Variants in MMAB observed in about 807,000 individuals in gnomAD.
MMAB encodes the protein metabolism of cobalamin associated B.
MMAB carries 17 observed loss-of-function variants against 30.6 expected under a neutral mutation model. The ratio of observed to expected loss-of-function variants is 0.56; its 90% confidence interval spans 0.38 to 0.83. The LOEUF (loss-of-function observed/expected upper bound fraction) is 0.83, where lower values mean the gene tolerates loss of function less well. Ranked by LOEUF, MMAB falls within the 40% of genes least tolerant of loss-of-function variation. The pLI is 0.00. For missense variants in MMAB, 311 were observed against 331.6 expected (o/e 0.94, Z 0.48); for synonymous variants, 134 against 138.6 (o/e 0.97, Z 0.23).
At chr12:109,565,016 C>G (rs546730334) in intron 4 of MMAB, 103 bp downstream of exon 4, 6 of 911,374 alleles carry the variant, frequency 6.6e-6, no homozygotes, top group African/African-American at 4.9e-5. Flanking sequence ...GGGAGAGTAA[C>G]TAGCCCCAGG....
At position 109,559,508 on chromosome 12, in the gene MMAB, G is replaced by A. The variant is rs1290111467; in HGVS notation, c.585-353C>T. ...GGTCTGCCTCTAGCCTTCAAAGGAA[G>A]TGGGGGCCTGACCCTTAATTCCCAA... On this transcript the variant is annotated intron_variant, in intron 7 of 8. Coordinates refer to ENST00000545712, the MANE Select transcript of MMAB (RefSeq NM_052845.4). Among the ~76,000 whole-genome samples, 4 of 152,228 alleles carry A rather than the reference G, an allele frequency of 2.6e-5. No individual in the cohort carries two copies. The East Asian group carries it at 7.7e-4, about 29-fold the overall frequency.
chr12:109,569,863 C>G lies in MMAB; in HGVS notation c.197-1000G>C, dbSNP rs1287993121. 6.3e-6 allele frequency: 1 copy of G among 158,784 alleles called. No individual in the cohort carries two copies. Among genetic ancestry groups the G allele is most frequent in the African/African-American group, 2.4e-5 (1 of 41,484 alleles). 9.8% of individuals were successfully genotyped at this position (158,784 alleles called of 1,614,324 possible). On this transcript the variant is annotated intron_variant, in intron 2 of 8. Transcript: ENST00000545712. This position sits in a 1 kb window ranked among gnomAD's most constrained non-coding sequence, Gnocchi z 4.1. ...CTGTGTCCAAACTCCAAAAGATGAC[C>G]AAACCTCCCCCTTCCCTGGCTAATG... is the stretch of plus-strand genomic sequence containing the variant.
chr12:109,557,352 C>T lies in MMAB; in HGVS notation c.645-216G>A, dbSNP rs150476606. Reference sequence around the variant, plus strand: ...CAAGGACTCTACTCCAGTGTCAAGGCTGGGGCCATTCCTGCAGGATGAGGC... The same window carrying T: ...CAAGGACTCTACTCCAGTGTCAAGGTTGGGGCCATTCCTGCAGGATGAGGC... On this transcript the variant is annotated intron_variant, in intron 8 of 8. Transcript: ENST00000545712. 1.6e-4 allele frequency among the ~76,000 whole-genome samples: 24 copies of T among 152,380 alleles called. No homozygotes were observed. In the East Asian group the frequency reaches 4.2e-3, roughly 27 times the overall value.
rs1418302279 is a variant in MMAB, at chr12:109,554,850, C to T, written c.*2178G>A. ...CAAAGCAAGCTTTCTCCATTTTTCCCAGGTTGGTAGCACAGGAGAGAAACA... is the reference window on the plus strand; with the variant it reads ...CAAAGCAAGCTTTCTCCATTTTTCCTAGGTTGGTAGCACAGGAGAGAAACA... On this transcript the variant is annotated 3_prime_UTR_variant, in exon 9 of 9. Coordinates refer to ENST00000545712, the MANE Select transcript of MMAB (RefSeq NM_052845.4). The T allele has an allele frequency of 2.2e-6, 1 of 453,770 alleles. No homozygotes were observed. Among genetic ancestry groups the T allele is most frequent in the Non-Finnish European group, 4.4e-6 (1 of 226,640 alleles). The allele number at this position is 453,770 out of a possible 1,614,324, so 28.1% of individuals were successfully genotyped here. A position where few individuals can be genotyped will look rare whatever the true frequency, so the allele number is the denominator to read the frequency against.
In MMAB at chr12:109,556,519, G is replaced by A. The variant is rs886048923; in HGVS notation, c.*509C>T. The A allele has an allele frequency of 4.8e-5, 22 of 453,808 alleles. No homozygotes were observed. The highest frequency in any genetic ancestry group is 1.2e-4 in the Admixed American group (5 of 42,538). The allele number at this position is 453,808 out of a possible 1,614,324, so 28.1% of individuals were successfully genotyped here. On this transcript the variant is annotated 3_prime_UTR_variant, in exon 9 of 9. Coordinates refer to ENST00000545712, the MANE Select transcript of MMAB (RefSeq NM_052845.4). ...GTGACTAAACTTCCAAATCTTGTCC[G>A]CCTTCCCCTTTACAAATGTGACATT...
chr12:109,564,026 C>T (rs914199266), intron 4 of MMAB, among the ~76,000 whole-genome samples: 6 of 152,246 alleles, frequency 3.9e-5, no homozygotes, highest in African/African-American at 1.2e-4. Context: ...ATGAGTCCCA[C>T]GGGCTGAGGG....
chr12:109,562,408 A>AC (rs1173469742), intron 4 of MMAB, among the ~76,000 whole-genome samples: 28 of 152,356 alleles, frequency 1.8e-4, no homozygotes, highest in African/African-American at 5.8e-4. Flanking sequence ...TTTGAAAGCA[A>AC]ACTCTGAACT....
chr12:109,573,314 G>C (rs775525617), intron 1 of MMAB, 33 bp downstream of exon 1: 2 of 1,612,130 alleles, frequency 1.2e-6, no homozygotes, highest in South Asian at 2.2e-5. Context: ...TTCACGGCAG[G>C]TGTTCGAGTT....
chr12:109,555,522 G>A lies in MMAB; in HGVS notation c.*1506C>T, dbSNP rs1405385816. On this transcript the variant is annotated 3_prime_UTR_variant, in exon 9 of 9. Coordinates refer to ENST00000545712, the MANE Select transcript of MMAB (RefSeq NM_052845.4). ...TTGACCAGGCTGGTCTCAAACTCCT[G>A]ACCTCAGGTGATCTGCCTGCCTCGG... 4.6e-6 allele frequency: 2 copies of A among 430,736 alleles called. No homozygotes were observed. Among genetic ancestry groups the A allele is most frequent in the Non-Finnish European group, 9.1e-6 (2 of 219,690 alleles). The allele number at this position is 430,736 out of a possible 1,614,324, so 26.7% of individuals were successfully genotyped here.
chr12:109,554,043 G>A lies in MMAB; in HGVS notation c.*2985C>T, dbSNP rs1566127295. 1 of 454,124 alleles carries A rather than the reference G, an allele frequency of 2.2e-6. No homozygotes were observed. The allele number at this position is 454,124 out of a possible 1,614,324, so 28.1% of individuals were successfully genotyped here. On this transcript the variant is annotated 3_prime_UTR_variant, in exon 9 of 9. Coordinates refer to ENST00000545712, the MANE Select transcript of MMAB (RefSeq NM_052845.4). Reference sequence around the variant, plus strand: ...AGACAGCAGGATCTATCAGAGCCTGGCATTGTTCGCCACAGCCCAGGTAGT... The same window carrying A: ...AGACAGCAGGATCTATCAGAGCCTGACATTGTTCGCCACAGCCCAGGTAGT...
Position 109,561,084 on chromosome 12 carries a change from C to T in MMAB, c.540G>A (p.Ser180=), listed in dbSNP as rs754311573. The T allele has an allele frequency of 1.4e-5, 23 of 1,610,854 alleles. No individual in the cohort carries two copies. The highest frequency in any genetic ancestry group is 1.6e-4 in the Middle Eastern group (1 of 6,084). ...FILPSGGKIS[S]ALHFCRAVCR... is the part of the protein sequence containing the mutation. ...ACACGGCCCGGCAGAAATGCAGCGC[C>T]GAGCTGATCTTGCCTCCCGACTGAA... is the stretch of plus-strand genomic sequence containing the variant. Residue 180 remains serine (S), a synonymous_variant, in exon 7 of 9, where the codon TCG becomes TCA. Coordinates refer to ENST00000545712, the MANE Select transcript of MMAB (RefSeq NM_052845.4). The surrounding 1 kb of genome is among the most constrained non-coding windows in gnomAD (Gnocchi z 5.3).
chr12:109,571,598 T>C (rs1262704733), intron 2 of MMAB, 51 bp downstream of exon 2: 1 of 1,517,526 alleles, frequency 6.6e-7, no homozygotes, highest in South Asian at 1.1e-5. Context: ...AACTTTAAAA[T>C]GGTGTATGCC....
In MMAB at chr12:109,569,136, G is replaced by A. The variant is rs577421525; in HGVS notation, c.197-273C>T. On this transcript the variant is annotated intron_variant, in intron 2 of 8. Coordinates refer to ENST00000545712, the MANE Select transcript of MMAB (RefSeq NM_052845.4). The surrounding 1 kb of genome is among the most constrained non-coding windows in gnomAD (Gnocchi z 4.1). Reference sequence around the variant, plus strand: ...AATTTTTGTATTTTTAGTAGAGACGGGTTTTCGCCCATGTTGGCCGAGCTA... The same window carrying A: ...AATTTTTGTATTTTTAGTAGAGACGAGTTTTCGCCCATGTTGGCCGAGCTA... 6.6e-6 allele frequency among the ~76,000 whole-genome samples: 1 copy of A among 152,160 alleles called. No homozygotes were observed. Among genetic ancestry groups the A allele is most frequent in the East Asian group, 1.9e-4 (1 of 5,164 alleles).
At chr12:109,567,010 C>T (rs371815863) in intron 3 of MMAB, 1 of 456,044 alleles carries the variant, frequency 2.2e-6, no homozygotes. Context: ...GAAAATCTCA[C>T]CTAGTCAGGC....
chr12:109,563,906 G>A (rs1884312545), intron 4 of MMAB, among the ~76,000 whole-genome samples: 1 of 152,226 alleles, frequency 6.6e-6, no homozygotes, highest in Non-Finnish European at 1.5e-5. Context: ...GGTGGAAAGT[G>A]CGGCACCCTG....
chr12:109,571,824 T>C (rs1566137991), intron 1 of MMAB, 114 bp from the exon 2 acceptor site: 5 of 817,300 alleles, frequency 6.1e-6, no homozygotes, highest in Non-Finnish European at 8.5e-6. Flanking sequence ...CACTTACCCC[T>C]TACTGCTTAG....
Position 109,565,110 on chromosome 12 carries a change from G to A in MMAB, c.348+9C>T, listed in dbSNP as rs747459155. The A allele has an allele frequency of 6.2e-6, 10 of 1,611,274 alleles. No homozygotes were observed. The highest frequency in any genetic ancestry group is 7.6e-6 in the Non-Finnish European group (9 of 1,177,548). ...AGATTCCCAGCTTGGGTGAGATGGT[G>A]TTACTCACTTTCTGAAGCTCTTCGG... On this transcript the variant is annotated intron_variant, in intron 4 of 8. Coordinates refer to ENST00000545712, the MANE Select transcript of MMAB (RefSeq NM_052845.4).
At chr12:109,564,754 C>A (rs931092815) in intron 4 of MMAB, 2 of 379,990 alleles carry the variant, frequency 5.3e-6, no homozygotes, top group African/African-American at 2.1e-5. Context: ...TCACAGCTCA[C>A]TGCAGCCTTG....
rs1474012019 is a variant in MMAB at position 109,556,110 on chromosome 12, A to G, written c.*918T>C. 1 of 453,768 alleles carries G rather than the reference A, an allele frequency of 2.2e-6. No homozygotes were observed. Among genetic ancestry groups the G allele is most frequent in the Non-Finnish European group, 4.4e-6 (1 of 226,606 alleles). The allele number at this position is 453,768 out of a possible 1,614,324, so 28.1% of individuals were successfully genotyped here. A position where few individuals can be genotyped will look rare whatever the true frequency, so the allele number is the denominator to read the frequency against. ...TCCCAAGGACACTGCTGGCACTGGC[A>G]GTGTCGTTTCATAGCAGGAGGGAGC... is the stretch of plus-strand genomic sequence containing the variant. On this transcript the variant is annotated 3_prime_UTR_variant, in exon 9 of 9. Transcript: ENST00000545712.
Sources: allele counts gnomAD v4.1 joint callset (sites outside exome capture counted in the v4.1 genomes callset), GRCh38; gene constraint gnomAD v4.1.1; non-coding constraint Gnocchi (gnomAD v3.1); transcripts MANE v1.5; gene names NCBI Gene and HGNC (gene_info 2026-07-23, HGNC 2026-07-21).